The following R3HDM2 variants were observed in gnomAD, a reference collection of about 807,000 sequenced individuals.
R3HDM2 encodes R3H domain-containing protein 2.
R3HDM2 carries 38 observed loss-of-function variants against 124.5 expected under a neutral mutation model. That is an observed-to-expected ratio of 0.31 (90% CI 0.24 to 0.40). R3HDM2 has a LOEUF of 0.40. R3HDM2 is among the 10% of genes least tolerant of loss of function. The pLI is 1.00. For missense variants in R3HDM2, 869 were observed against 1,236.9 expected, an observed-to-expected ratio of 0.70 and a Z score of 4.46; for synonymous variants, 391 against 448.0, an observed-to-expected ratio of 0.87 and a Z score of 1.61.
intron 10 of R3HDM2, 28 bp downstream of exon 10, chr12:57,295,371 T>C (rs899561037): frequency 5.4e-6 from 8 of 1,481,256 alleles, no homozygotes; most frequent in East Asian, 2.5e-5. Flanking sequence ...AAACTCTCTA[T>C]ATAGGCCCAC....
intron 1 of R3HDM2, among the ~76,000 whole-genome samples, chr12:57,421,750 TC>T (rs1235502478): frequency 6.6e-6 from 1 of 150,716 alleles, no homozygotes; most frequent in Non-Finnish European, 1.5e-5. Context: ...CAAGAGATCC[TC>T]CCACCTCAGC....
intron 4 of R3HDM2, 151 bp downstream of exon 4, chr12:57,303,025 G>C: frequency 1.5e-6 from 1 of 686,606 alleles, no homozygotes; most frequent in Non-Finnish European, 2.5e-6. Context: ...ATGTGTGTAT[G>C]CACACTTACG....
In R3HDM2 at chr12:57,348,562, C is replaced by T. The variant is rs150809124; in HGVS notation, c.-35-38099G>A. On this transcript the variant is annotated intron_variant, in intron 2 of 23. Coordinates refer to ENST00000402412, the MANE Select transcript of R3HDM2 (RefSeq NM_001394031.1). ...TACAAAAATTTGCCAGGTGTGGTGG[C>T]ACACGCCTGTAATCCCAGCTACTCA... 2.2e-3 allele frequency among the ~76,000 whole-genome samples: 330 copies of T among 152,120 alleles called. 5 individuals are homozygous for T. The East Asian group carries it at 0.032, about 15-fold the overall frequency.
At chr12:57,412,493 G>A (rs931946556) in intron 1 of R3HDM2, among the ~76,000 whole-genome samples, 2 of 152,034 alleles carry the variant, frequency 1.3e-5, no homozygotes, top group African/African-American at 4.8e-5. Context: ...AACGAGCCAA[G>A]ATCACACTAC....
intron 1 of R3HDM2, among the ~76,000 whole-genome samples, chr12:57,406,571 C>T (rs553805499): frequency 4.6e-5 from 7 of 152,070 alleles, no homozygotes; most frequent in Admixed American, 1.3e-4. Context: ...ATAAAAAGTA[C>T]TGCAGCTAAA....
At chr12:57,375,210 C>G (rs1215376058) in intron 2 of R3HDM2, among the ~76,000 whole-genome samples, 4 of 152,072 alleles carry the variant, frequency 2.6e-5, no homozygotes, top group Admixed American at 2.6e-4. Flanking sequence ...ATACACCTCT[C>G]TTCATAAGTC....
chr12:57,348,680 C>T (rs375035281), intron 2 of R3HDM2, among the ~76,000 whole-genome samples: 3 of 118,636 alleles, frequency 2.5e-5, no homozygotes, highest in East Asian at 2.4e-4. Context: ...GGCGACAGAG[C>T]GAGACTCCGT....
In R3HDM2 at chr12:57,425,315, T is replaced by C. The variant is rs2070634064; in HGVS notation, c.-106+5405A>G. 3.3e-5 allele frequency among the ~76,000 whole-genome samples: 5 copies of C among 151,976 alleles called. No homozygotes were observed. The South Asian group carries it at 8.3e-4, about 25-fold the overall frequency. ...ATTCACAAAATGAGAACTACTAATA[T>C]AATTCTAGAAGATGCAGTTATTTCT... On this transcript the variant is annotated intron_variant, in intron 1 of 23. Coordinates refer to ENST00000402412, the MANE Select transcript of R3HDM2 (RefSeq NM_001394031.1).
rs1458135309 is a variant in R3HDM2, at chr12:57,296,364, C to A, written c.701+47G>T. 6.5e-7 allele frequency: 1 copy of A among 1,544,826 alleles called. No individual in the cohort carries two copies. The highest frequency in any genetic ancestry group is 8.8e-7 in the Non-Finnish European group (1 of 1,140,962). ...CCTACACCTTCCTCTTCCAACCCAGCAGGTTATCCCAGGGAAGTCTTCCCA... is the reference window on the plus strand; with the variant it reads ...CCTACACCTTCCTCTTCCAACCCAGAAGGTTATCCCAGGGAAGTCTTCCCA... On this transcript the variant is annotated intron_variant, in intron 9 of 23. Transcript: ENST00000402412. The surrounding 1 kb of genome is among the most constrained non-coding windows in gnomAD (Gnocchi z 4.5).
intron 15 of R3HDM2, 142 bp from the exon 16 acceptor site, chr12:57,269,591 AT>A: frequency 6.9e-7 from 1 of 1,450,694 alleles, no homozygotes; most frequent in East Asian, 2.3e-5. Context: ...TAAAACAAGG[AT>A]TTATGTTATA....
At position 57,254,777 on chromosome 12, in the gene R3HDM2, T is replaced by C; in HGVS notation, c.2969A>G (p.Gln990Arg). Residue 990 changes from glutamine to arginine, a missense_variant, in exon 24 of 24, where the codon CAA becomes CGA. This residue lies in a region of R3HDM2 where 602 missense variants were observed against 789.2 expected (regional missense o/e 0.76). Coordinates refer to ENST00000402412, the MANE Select transcript of R3HDM2 (RefSeq NM_001394031.1). ...DLRILERASS[Q>R] ...AGTCCCTTTCCCCTCCTCCATTTAT[T>C]GGGAGCTGGCTCGCTCCAGGATCCT... The C allele has an allele frequency of 6.5e-7, 1 of 1,538,560 alleles. No individual in the cohort carries two copies. Among genetic ancestry groups the C allele is most frequent in the Non-Finnish European group, 8.9e-7 (1 of 1,127,602 alleles).
At chr12:57,346,879 C>A (rs543380749) in intron 2 of R3HDM2, among the ~76,000 whole-genome samples, 2 of 152,022 alleles carry the variant, frequency 1.3e-5, no homozygotes, top group Non-Finnish European at 2.9e-5. Flanking sequence ...AAGAGGGATA[C>A]GAAAGAAACC....
chr12:57,268,633 T>C (rs2042971059), intron 17 of R3HDM2, 176 bp from the exon 18 acceptor site: 1 of 754,530 alleles, frequency 1.3e-6, no homozygotes, highest in Admixed American at 2.9e-5. Context: ...TATTTCTGCC[T>C]TCTTCAAATA....
At chr12:57,299,814 T>C (rs1566034148) in intron 5 of R3HDM2, among the ~76,000 whole-genome samples, 1 of 152,168 alleles carries the variant, frequency 6.6e-6, no homozygotes, top group Non-Finnish European at 1.5e-5. Context: ...TCATCCTAGG[T>C]GGTCAAGATA....
intron 18 of R3HDM2, among the ~76,000 whole-genome samples, chr12:57,267,908 T>A (rs375554679): frequency 6.6e-6 from 1 of 152,230 alleles, no homozygotes; most frequent in Non-Finnish European, 1.5e-5. Flanking sequence ...CAGTTATATA[T>A]AAATAGATAC....
chr12:57,358,874 C>T (rs544853322), intron 2 of R3HDM2, among the ~76,000 whole-genome samples: 59 of 151,724 alleles, frequency 3.9e-4, no homozygotes, highest in Middle Eastern at 6.9e-3. Context: ...CTCAGCACCC[C>T]GAGTAGCTGA....
At position 57,296,408 on chromosome 12, in the gene R3HDM2, T is replaced by C. The variant is rs1013452518; in HGVS notation, c.701+3A>G. On this transcript the variant is annotated splice_donor_region_variant and intron_variant, in intron 9 of 23. Coordinates refer to ENST00000402412, the MANE Select transcript of R3HDM2 (RefSeq NM_001394031.1). This position sits in a 1 kb window ranked among gnomAD's most constrained non-coding sequence, Gnocchi z 4.5. ...CTTCCCAAACCATGGTTTCCTCCCTTACATTCTTGTGTTACTAGTTTTGTT... is the reference window on the plus strand; with the variant it reads ...CTTCCCAAACCATGGTTTCCTCCCTCACATTCTTGTGTTACTAGTTTTGTT... 1.3e-6 allele frequency: 2 copies of C among 1,552,116 alleles called. No individual in the cohort carries two copies. Among genetic ancestry groups the C allele is most frequent in the African/African-American group, 2.7e-5 (2 of 73,022 alleles).
chr12:57,342,693 T>C (rs1206543755), intron 2 of R3HDM2, among the ~76,000 whole-genome samples: 1 of 152,232 alleles, frequency 6.6e-6, no homozygotes, highest in Non-Finnish European at 1.5e-5. Flanking sequence ...AAGTTGGAAA[T>C]ATGTATTGAA....
intron 1 of R3HDM2, among the ~76,000 whole-genome samples, chr12:57,407,234 A>G (rs2068605274): frequency 6.7e-6 from 1 of 150,314 alleles, no homozygotes; most frequent in South Asian, 2.1e-4. Flanking sequence ...TGGGCAACAG[A>G]GCAAGACTCC....
Sources: gnomAD v4.1 joint callset for allele counts (sites outside exome capture counted in the v4.1 genomes callset) on GRCh38, gnomAD v4.1.1 for gene constraint, gnomAD v4.1.1 regional missense constraint, Gnocchi (gnomAD v3.1) non-coding constraint, MANE v1.5 for transcripts, NCBI Gene and HGNC (gene_info 2026-07-23, HGNC 2026-07-21) for gene names.